COL23A1: variants seen among roughly 807,000 people sequenced by gnomAD.
COL23A1 encodes collagen type XXIII alpha 1 chain.
Under a neutral mutation model 99.3 loss-of-function variants are expected in COL23A1, and 97 were observed. The ratio of observed to expected loss-of-function variants is 0.98; its 90% CI spans 0.83 to 1.16. The LOEUF is 1.16. COL23A1 is among the 50% of genes most tolerant of loss of function. The pLI is 0.00. For missense variants in COL23A1, 762 were observed against 757.4 expected, an observed-to-expected ratio of 1.01 and a Z score of -0.07; for synonymous variants, 320 against 308.2, an observed-to-expected ratio of 1.04 and a Z score of -0.40.
chr5:178,455,221 G>A (rs1202146091), intron 2 of COL23A1, among the ~76,000 whole-genome samples: 1 of 152,204 alleles, frequency 6.6e-6, no homozygotes. Context: ...CTGAGCAGTC[G>A]CTGACTGGGT....
chr5:178,442,816 T>C (rs544067373), intron 2 of COL23A1: 1 of 152,108 alleles, frequency 6.6e-6, no homozygotes, highest in Non-Finnish European at 1.5e-5. Context: ...CCCTTAGAAC[T>C]CTCCAGAGCC....
intron 2 of COL23A1, among the ~76,000 whole-genome samples, chr5:178,358,095 TCTAATG>T: frequency 6.6e-6 from 1 of 151,224 alleles, no homozygotes; most frequent in Non-Finnish European, 1.5e-5. Context: ...CGTGTGTAGG[TCTAATG>T]TGTGTGTATG....
At chr5:178,518,560 GACGCTCCTCACCTCCCAGAT>G (rs1759722071) in intron 2 of COL23A1, among the ~76,000 whole-genome samples, 3 of 149,474 alleles carry the variant, frequency 2.0e-5, no homozygotes, top group Non-Finnish European at 4.5e-5. Context: ...GCCGGGCAGA[GACGCTCCTCACCTCCCAGAT>G]GGGGCGGCGG....
intron 2 of COL23A1, among the ~76,000 whole-genome samples, chr5:178,406,454 G>T (rs10060744): frequency 0.045 from 6,656 of 148,816 alleles, 344 homozygotes; most frequent in African/African-American, 0.13. Flanking sequence ...TCTTGAGACG[G>T]AGTCTCGCTC....
At chr5:178,557,532 G>A (rs1159590383) in intron 2 of COL23A1, among the ~76,000 whole-genome samples, 3 of 152,136 alleles carry the variant, frequency 2.0e-5, no homozygotes, top group South Asian at 2.1e-4. Flanking sequence ...ACTCAGCCTC[G>A]CAATGGGTGG....
chr5:178,565,226 T>C (rs563999438), intron 1 of COL23A1, among the ~76,000 whole-genome samples: 5 of 152,212 alleles, frequency 3.3e-5, no homozygotes, highest in Non-Finnish European at 7.3e-5. Context: ...TGTGATATCA[T>C]CTTCTCAGTG....
chr5:178,275,083 C>T (rs1483447376), intron 5 of COL23A1, among the ~76,000 whole-genome samples: 1 of 152,238 alleles, frequency 6.6e-6, no homozygotes, highest in Non-Finnish European at 1.5e-5. Flanking sequence ...AGCCCTCCCC[C>T]AGCCCTGGTG....
intron 5 of COL23A1, among the ~76,000 whole-genome samples, chr5:178,273,943 C>T (rs1465689476): frequency 6.6e-6 from 1 of 152,246 alleles, no homozygotes; most frequent in Non-Finnish European, 1.5e-5. Context: ...GGACCCTGGG[C>T]TGTGAACCTC....
chr5:178,306,207 G>A lies in COL23A1; in HGVS notation c.406+668C>T, dbSNP rs778182116. ...CCAGACAGCCGGGACTGCCCAGCAT[G>A]GGGGAGTGGCCAAGGGTGGGGGTCA... On this transcript the variant is annotated intron_variant, in intron 3 of 28. Coordinates refer to ENST00000390654, the MANE Select transcript of COL23A1 (RefSeq NM_173465.4). This position sits in a 1 kb window ranked among gnomAD's most constrained non-coding sequence, Gnocchi z 4.1. 6.6e-6 allele frequency among the ~76,000 whole-genome samples: 1 copy of A among 152,156 alleles called. No individual in the cohort carries two copies. The highest frequency in any genetic ancestry group is 1.5e-5 in the Non-Finnish European group (1 of 68,012).
intron 2 of COL23A1, among the ~76,000 whole-genome samples, chr5:178,559,365 C>A (rs1358234500): frequency 2.0e-5 from 3 of 152,216 alleles, no homozygotes; most frequent in Admixed American, 6.5e-5. Flanking sequence ...CACTGCGCAG[C>A]TCCTGTCTTC....
intron 1 of COL23A1, among the ~76,000 whole-genome samples, chr5:178,576,699 G>A (rs1017671761): frequency 6.6e-6 from 1 of 152,034 alleles, no homozygotes; most frequent in African/African-American, 2.4e-5. Flanking sequence ...TCCTCCCCAC[G>A]GCCGCGGTCT....
intron 2 of COL23A1, among the ~76,000 whole-genome samples, chr5:178,483,454 C>G (rs1234722768): frequency 6.6e-6 from 1 of 152,222 alleles, no homozygotes; most frequent in Non-Finnish European, 1.5e-5. Context: ...TCTAGATTCT[C>G]TCTGCTCACA....
intron 2 of COL23A1, among the ~76,000 whole-genome samples, chr5:178,359,651 G>A (rs113405046): frequency 2.6e-5 from 4 of 152,322 alleles, no homozygotes; most frequent in African/African-American, 9.6e-5. Context: ...TGAAAACCCA[G>A]TCTACATTTC....
chr5:178,284,592 A>G, intron 5 of COL23A1, among the ~76,000 whole-genome samples: 1 of 152,226 alleles, frequency 6.6e-6, no homozygotes, highest in East Asian at 1.9e-4. Context: ...ATAATCATGG[A>G]AATAAGCTAT....
intron 1 of COL23A1, among the ~76,000 whole-genome samples, chr5:178,563,616 C>T (rs1335952646): frequency 1.3e-5 from 2 of 149,418 alleles, no homozygotes; most frequent in African/African-American, 4.9e-5. Context: ...ACTGCAGCCT[C>T]AACCTCTCAG....
chr5:178,277,200 T>TA (rs61628732), intron 5 of COL23A1, among the ~76,000 whole-genome samples: 51 of 137,592 alleles, frequency 3.7e-4, no homozygotes, highest in East Asian at 1.8e-3. Flanking sequence ...ACCTCATCTC[T>TA]AAAAAAAAAA....
chr5:178,426,844 T>C (rs766144184), intron 2 of COL23A1, among the ~76,000 whole-genome samples: 1 of 152,198 alleles, frequency 6.6e-6, no homozygotes, highest in Non-Finnish European at 1.5e-5. Flanking sequence ...ACATAGATGA[T>C]GGCAAATAAG....
intron 2 of COL23A1, among the ~76,000 whole-genome samples, chr5:178,546,056 G>A (rs182836416): frequency 1.3e-4 from 20 of 151,892 alleles, no homozygotes; most frequent in Admixed American, 3.9e-4. Flanking sequence ...CAAGGAGCCG[G>A]GAGGCTGCCC....
At chr5:178,267,774 A>G (rs1404320838) in intron 7 of COL23A1, among the ~76,000 whole-genome samples, 1 of 152,202 alleles carries the variant, frequency 6.6e-6, no homozygotes, top group Non-Finnish European at 1.5e-5. Context: ...AATCACTTCT[A>G]TGACACGGTG....
Sources: allele counts gnomAD v4.1 joint callset (sites outside exome capture counted in the v4.1 genomes callset), GRCh38; gene constraint gnomAD v4.1.1; non-coding constraint Gnocchi (gnomAD v3.1); transcripts MANE v1.5; gene names NCBI Gene and HGNC (gene_info 2026-07-23, HGNC 2026-07-21).